Variants in CD226 observed in about 807,000 individuals in gnomAD.
CD226 encodes CD226 antigen.
A neutral mutation model predicts 34.9 loss-of-function variants in CD226; 24 were observed. That is an observed-to-expected ratio of 0.69 (90% CI 0.50 to 0.97). CD226 has a LOEUF of 0.97. Among genes scored for constraint, CD226 ranks in the 50% least tolerant of loss-of-function variants. The pLI is 0.00. For synonymous variants in CD226, 148 were observed against 147.4 expected (o/e 1.00, Z -0.03); for missense variants, 397 against 412.7 (o/e 0.96, Z 0.33).
At chr18:69,950,215 T>C (rs1308643648), upstream of CD226, among the ~76,000 whole-genome samples, 1 of 151,572 alleles carries the variant, frequency 6.6e-6, no homozygotes, top group Non-Finnish European at 1.5e-5. Context: ...CATGCATGCG[T>C]TTACACATGC....
intron 1 of CD226, among the ~76,000 whole-genome samples, chr18:69,954,925 G>A (rs749135837): frequency 5.3e-5 from 8 of 152,010 alleles, no homozygotes; most frequent in Non-Finnish European, 8.8e-5. Context: ...TTTTTTGCAT[G>A]ATTTATGAAG....
At chr18:69,955,632 G>C (rs556439933) in intron 1 of CD226, among the ~76,000 whole-genome samples, 17 of 152,202 alleles carry the variant, frequency 1.1e-4, no homozygotes, top group African/African-American at 3.6e-4. Flanking sequence ...TGAAGGCCGA[G>C]GCGGGCGGAT....
At chr18:69,879,681 C>A (rs376926376) in intron 3 of CD226, among the ~76,000 whole-genome samples, 2 of 152,168 alleles carry the variant, frequency 1.3e-5, no homozygotes, top group Non-Finnish European at 2.9e-5. Flanking sequence ...CCTCAGCTTA[C>A]GAAGATGACG....
At chr18:69,917,845 C>T (rs2055404663) in intron 2 of CD226, among the ~76,000 whole-genome samples, 1 of 152,130 alleles carries the variant, frequency 6.6e-6, no homozygotes, top group Non-Finnish European at 1.5e-5. Context: ...GTTGATTATG[C>T]TTTGAGATCA....
In CD226 at chr18:69,858,349, G is replaced by A. The variant is rs1036190990; in HGVS notation, c.*5965C>T. ...CATTTGTCAGTTGAAGTTCTTCAACGAGCCTGGAGGGAATGTCGCAGTGTG... is the reference window on the plus strand; with the variant it reads ...CATTTGTCAGTTGAAGTTCTTCAACAAGCCTGGAGGGAATGTCGCAGTGTG... On this transcript the variant is annotated 3_prime_UTR_variant, in exon 6 of 6. Transcript: ENST00000582621. 1.3e-5 allele frequency: 2 copies of A among 152,148 alleles called. No individual in the cohort carries two copies. Among genetic ancestry groups the A allele is most frequent in the African/African-American group, 4.8e-5 (2 of 41,424 alleles). 9.4% of individuals were successfully genotyped at this position (152,148 alleles called of 1,614,324 possible). A position where few individuals can be genotyped will look rare whatever the true frequency, so the allele number is the denominator to read the frequency against.
At chr18:69,884,675 C>G (rs1379478024) in intron 3 of CD226, among the ~76,000 whole-genome samples, 1 of 152,180 alleles carries the variant, frequency 6.6e-6, no homozygotes, top group Admixed American at 6.5e-5. Flanking sequence ...GCAAAAGTAC[C>G]TCCTGTCATA....
intron 2 of CD226, among the ~76,000 whole-genome samples, chr18:69,924,945 C>T (rs1003477137): frequency 7.9e-5 from 12 of 152,130 alleles, no homozygotes; most frequent in Admixed American, 2.0e-4. Flanking sequence ...TAAAGGGATT[C>T]GTTTCATCTT....
intron 2 of CD226, among the ~76,000 whole-genome samples, chr18:69,925,050 T>C (rs1232691916): frequency 1.3e-5 from 2 of 152,344 alleles, no homozygotes; most frequent in African/African-American, 4.8e-5. Flanking sequence ...ACCTAACTCA[T>C]GAACTGAACA....
intron 2 of CD226, among the ~76,000 whole-genome samples, chr18:69,938,225 A>G (rs2055679135): frequency 6.6e-6 from 1 of 152,158 alleles, no homozygotes; most frequent in Non-Finnish European, 1.5e-5. Flanking sequence ...CTAACCCTCT[A>G]CTATAAATAT....
At chr18:69,889,645 C>G (rs1984768778) in intron 3 of CD226, among the ~76,000 whole-genome samples, 1 of 152,158 alleles carries the variant, frequency 6.6e-6, no homozygotes, top group Non-Finnish European at 1.5e-5. Context: ...AACTCAGGAG[C>G]ACAGAGTCTC....
At chr18:69,939,142 T>A (rs1413280923) in intron 2 of CD226, among the ~76,000 whole-genome samples, 1 of 152,214 alleles carries the variant, frequency 6.6e-6, no homozygotes, top group Non-Finnish European at 1.5e-5. Flanking sequence ...TAAAACATTT[T>A]GAGACAAATG....
In CD226 at chr18:69,859,249, T is replaced by C. The variant is rs1352289646; in HGVS notation, c.*5065A>G. The C allele has an allele frequency of 6.6e-6, 1 of 152,094 alleles. No homozygotes were observed. The highest frequency in any genetic ancestry group is 1.5e-5 in the Non-Finnish European group (1 of 68,030). 9.4% of individuals were successfully genotyped at this position (152,094 alleles called of 1,614,324 possible). Reference sequence around the variant, plus strand: ...CCAAGTCAAGCTTCTAATGGAGTCTTTCTAAGGAAGTTGACGTTGGTAGAA... The same window carrying C: ...CCAAGTCAAGCTTCTAATGGAGTCTCTCTAAGGAAGTTGACGTTGGTAGAA... On this transcript the variant is annotated 3_prime_UTR_variant, in exon 6 of 6. Transcript: ENST00000582621.
rs530845513 is a variant in CD226, at chr18:69,859,377, T to A, written c.*4937A>T. 6.6e-6 allele frequency: 1 copy of A among 152,132 alleles called. No individual in the cohort carries two copies. Among genetic ancestry groups the A allele is most frequent in the Non-Finnish European group, 1.5e-5 (1 of 68,032 alleles). The allele number at this position is 152,132 out of a possible 1,614,324, so 9.4% of individuals were successfully genotyped here. On this transcript the variant is annotated 3_prime_UTR_variant, in exon 6 of 6. Coordinates refer to ENST00000582621, the MANE Select transcript of CD226 (RefSeq NM_001303618.2). ...TTAGCTCTAGGTGGAAAAAAAGTTA[T>A]GTAGGAGGGAAAGCAAAATCATTTT... is the stretch of plus-strand genomic sequence containing the variant.
At chr18:69,932,542 C>T (rs537238856) in intron 2 of CD226, among the ~76,000 whole-genome samples, 21 of 152,348 alleles carry the variant, frequency 1.4e-4, no homozygotes, top group African/African-American at 4.8e-4. Flanking sequence ...CCTGGCACCA[C>T]TACCCACTTA....
In CD226 at chr18:69,895,801, G is replaced by A. The variant is rs74470234; in HGVS notation, c.627C>T (p.Ile209=). ...CSHGRWSVIV[I]PDVTVSDSGL... ...CCGAGTCTGAGACTGTGACATCGGGGATGACGATGACGCTCCACCTTCCGT... is the reference window on the plus strand; with the variant it reads ...CCGAGTCTGAGACTGTGACATCGGGAATGACGATGACGCTCCACCTTCCGT... Residue 209 remains isoleucine, a synonymous_variant, in exon 3 of 6, where the codon ATC becomes ATT. Transcript: ENST00000582621. The A allele has an allele frequency of 1.2e-5, 20 of 1,614,156 alleles. No individual in the cohort carries two copies. The highest frequency in any genetic ancestry group is 1.5e-5 in the Non-Finnish European group (18 of 1,180,016).
chr18:69,888,244 C>G (rs895924612), intron 3 of CD226, among the ~76,000 whole-genome samples: 1 of 152,044 alleles, frequency 6.6e-6, no homozygotes, highest in African/African-American at 2.4e-5. Flanking sequence ...CATTTATGTT[C>G]AGTTTTTAAT....
At chr18:69,880,439 G>A (rs1211633831) in intron 3 of CD226, among the ~76,000 whole-genome samples, 3 of 152,024 alleles carry the variant, frequency 2.0e-5, no homozygotes, top group African/African-American at 7.3e-5. Flanking sequence ...GTTGGCAAGG[G>A]TATGGAGAAG....
At chr18:69,895,089 G>A (rs140666007) in intron 3 of CD226, among the ~76,000 whole-genome samples, 4 of 152,128 alleles carry the variant, frequency 2.6e-5, no homozygotes, top group African/African-American at 9.7e-5. Flanking sequence ...ATGTTTGGGG[G>A]TCCCTGAGGA....
intron 2 of CD226, among the ~76,000 whole-genome samples, chr18:69,922,469 C>T (rs758644879): frequency 1.2e-4 from 19 of 152,080 alleles, no homozygotes; most frequent in Non-Finnish European, 2.6e-4. Flanking sequence ...TCAATCGAGC[C>T]ACAGTCTCAC....
Sources: allele counts gnomAD v4.1 joint callset (sites outside exome capture counted in the v4.1 genomes callset), GRCh38; gene constraint gnomAD v4.1.1; transcripts MANE v1.5; gene names NCBI Gene and HGNC (gene_info 2026-07-23, HGNC 2026-07-21).